CFAP47: variants seen among roughly 807,000 people sequenced by gnomAD.
CFAP47 encodes the protein cilia- and flagella-associated protein 47.
Under a neutral mutation model 148.1 loss-of-function variants are expected in CFAP47, and 29 were observed. That is an observed-to-expected ratio of 0.20 (90% CI 0.15 to 0.27). The LOEUF (loss-of-function observed/expected upper bound fraction) is 0.27. CFAP47 is among the 10% of genes least tolerant of loss of function. The pLI, the probability that CFAP47 is intolerant of heterozygous loss-of-function variation, is 1.00. For synonymous variants in CFAP47, 664 were observed against 577.3 expected (o/e 1.15, Z -2.15); for missense variants, 1,872 against 1,697.5 (o/e 1.10, Z -1.81).
At chrX:35,926,845 C>T (rs1418570723) in intron 2 of CFAP47, among the ~76,000 whole-genome samples, 1 of 110,334 alleles carries the variant, frequency 9.1e-6, no homozygotes, top group African/African-American at 3.3e-5. Flanking sequence ...TACAAAATTC[C>T]CTTCTATTCA....
At chrX:35,945,697 A>G (rs894063762) in intron 3 of CFAP47, among the ~76,000 whole-genome samples, 2 of 110,973 alleles carry the variant, frequency 1.8e-5, no homozygotes, top group Non-Finnish European at 3.8e-5. Context: ...TTTTTTTACA[A>G]AAAGCCATTA....
intron 62 of CFAP47, among the ~76,000 whole-genome samples, chrX:36,377,468 GTTAT>G (rs1556023199): frequency 1.8e-5 from 2 of 111,975 alleles, no homozygotes; most frequent in Non-Finnish European, 3.8e-5. Context: ...TTTTGATGGG[GTTAT>G]TTGATTTTTT....
Position 35,970,550 on chromosome X carries a change from AT to A in CFAP47, c.1815-210del, listed in dbSNP as rs763485246. On this transcript the variant is annotated intron_variant, in intron 10 of 63. Transcript: ENST00000378653. ...TTACATCCCAGTGACCTTACAACGG[AT>A]TTTTTTTATTAGATTAAGAAAAAAT... Among the ~76,000 whole-genome samples, 633 of 110,568 alleles carry A rather than the reference AT, an allele frequency of 5.7e-3. 7 individuals carry two copies. Among genetic ancestry groups the A allele is most frequent in the African/African-American group, 0.02 (607 of 30,381 alleles).
At chrX:36,094,270 T>C (rs1938236908) in intron 30 of CFAP47, among the ~76,000 whole-genome samples, 1 of 111,297 alleles carries the variant, frequency 9.0e-6, no homozygotes, top group South Asian at 3.7e-4. Context: ...TTTTGGTTAC[T>C]ATGGCTCTGT....
chrX:36,144,457 CTCTTTTTATATTTTTA>C (rs1939196388), intron 35 of CFAP47: 3 of 823,700 alleles, frequency 3.6e-6, no homozygotes, highest in Middle Eastern at 6.0e-4. Context: ...TATGCTTTTC[CTCTTTTTATATTTTTA>C]TCTATTATCT....
intron 49 of CFAP47, among the ~76,000 whole-genome samples, chrX:36,258,174 G>T (rs1220362813): frequency 6.3e-5 from 7 of 111,991 alleles, no homozygotes; most frequent in Non-Finnish European, 5.6e-5. Flanking sequence ...TGCTACACTG[G>T]AATGGGATCT....
chrX:36,340,068 A>T (rs915576039), intron 57 of CFAP47, among the ~76,000 whole-genome samples: 1 of 111,823 alleles, frequency 8.9e-6, no homozygotes, highest in Non-Finnish European at 1.9e-5. Context: ...AGCTCTACGA[A>T]AGGTTAACAA....
In CFAP47 at chrX:36,103,501, GAAA is replaced by G. The variant is rs61501194; in HGVS notation, c.5128-972_5128-970del. The stretch of plus-strand genomic sequence containing the variant: ...GAGCTGAGTGTGCTCTCATATGCCA[GAAA>G]AAAAAAAAAAAAAAAAAAAAAAAAA... On this transcript the variant is annotated intron_variant, in intron 32 of 63. Transcript: ENST00000378653. Among the ~76,000 whole-genome samples, 106 of 15,032 alleles carry G rather than the reference GAAA, an allele frequency of 7.1e-3. 1 individual carries two copies. Among genetic ancestry groups the G allele is most frequent in the African/African-American group, 0.024 (102 of 4,186 alleles). The allele number at this position is 15,032 out of a possible 115,157, so 13.1% of individuals were successfully genotyped here.
chrX:36,044,910 AC>A (rs1224578978), intron 25 of CFAP47, among the ~76,000 whole-genome samples: 1 of 112,133 alleles, frequency 8.9e-6, no homozygotes, highest in Non-Finnish European at 1.9e-5. Context: ...TAGAAATGCT[AC>A]TGATTTTTTA....
intron 60 of CFAP47, among the ~76,000 whole-genome samples, chrX:36,357,118 G>A: frequency 8.9e-6 from 1 of 111,849 alleles, no homozygotes. Flanking sequence ...AGAAAGAGAA[G>A]GGTATGCTCA....
chrX:36,015,797 A>C (rs1314340380), intron 22 of CFAP47, among the ~76,000 whole-genome samples: 1 of 111,949 alleles, frequency 8.9e-6, no homozygotes, highest in Non-Finnish European at 1.9e-5. Flanking sequence ...TACTTGTTTG[A>C]AAATTAAAAA....
intron 30 of CFAP47, among the ~76,000 whole-genome samples, chrX:36,093,022 T>C (rs1314161937): frequency 9.0e-6 from 1 of 111,184 alleles, no homozygotes; most frequent in Non-Finnish European, 1.9e-5. Context: ...GGTCTTTCTG[T>C]GCTTGGCTTA....
intron 21 of CFAP47, among the ~76,000 whole-genome samples, chrX:36,004,353 T>G (rs964232787): frequency 9.0e-6 from 1 of 111,132 alleles, no homozygotes. Flanking sequence ...TCACAATTGC[T>G]ACAAAAGAAT....
chrX:36,095,280 T>C (rs1333362469), intron 30 of CFAP47, among the ~76,000 whole-genome samples: 2 of 111,594 alleles, frequency 1.8e-5, no homozygotes, highest in African/African-American at 6.5e-5. Flanking sequence ...TATTGCTGAA[T>C]TTGGTTTGCT....
At chrX:35,920,115 T>G (rs1935554754) in intron 1 of CFAP47, 67 bp downstream of exon 1, 21 of 1,089,768 alleles carry the variant, frequency 1.9e-5, no homozygotes, top group Non-Finnish European at 2.6e-5. Context: ...CGTCTCTCTT[T>G]GCCCCAGGGA....
intron 56 of CFAP47, among the ~76,000 whole-genome samples, chrX:36,317,021 T>C (rs1941439636): frequency 8.9e-6 from 1 of 111,832 alleles, no homozygotes; most frequent in Non-Finnish European, 1.9e-5. Flanking sequence ...TCCTGACCTC[T>C]AGTGATCCAC....
intron 40 of CFAP47, among the ~76,000 whole-genome samples, chrX:36,188,344 C>T (rs112537650): frequency 0.061 from 6,808 of 111,227 alleles, 565 homozygotes; most frequent in African/African-American, 0.21. Context: ...TTCTCTATAG[C>T]ACTGTATTTT....
chrX:36,343,033 A>G (rs1163599250), intron 57 of CFAP47, among the ~76,000 whole-genome samples: 2 of 110,190 alleles, frequency 1.8e-5, no homozygotes, highest in African/African-American at 6.6e-5. Flanking sequence ...TCATTGTTCA[A>G]CTCCCACTTA....
chrX:36,051,843 T>C (rs1217828060), intron 26 of CFAP47, among the ~76,000 whole-genome samples: 1 of 111,192 alleles, frequency 9.0e-6, no homozygotes. Flanking sequence ...AATCCCCATA[T>C]GTCATGGGAG....
Sources: gnomAD v4.1 joint callset for allele counts (sites outside exome capture counted in the v4.1 genomes callset) on GRCh38, gnomAD v4.1.1 for gene constraint, MANE v1.5 for transcripts, NCBI Gene and HGNC (gene_info 2026-07-23, HGNC 2026-07-21) for gene names.